CDKAL1: variants seen among roughly 807,000 people sequenced by gnomAD.
The protein encoded by CDKAL1 is CDKAL1 threonylcarbamoyladenosine tRNA methylthiotransferase, also known as threonylcarbamoyladenosine tRNA methylthiotransferase.
In CDKAL1, 32 loss-of-function variants were observed where a neutral mutation model predicts 68.2. The ratio of observed to expected loss-of-function variants is 0.47; its 90% confidence interval spans 0.35 to 0.63. The LOEUF is 0.63. Among genes scored for constraint, CDKAL1 ranks in the 30% least tolerant of loss-of-function variants. The pLI, the probability that CDKAL1 is intolerant of heterozygous loss-of-function variation, is 0.00. For synonymous variants in CDKAL1, 234 were observed against 244.3 expected, an observed-to-expected ratio of 0.96 and a Z score of 0.39; for missense variants, 606 against 696.7, an observed-to-expected ratio of 0.87 and a Z score of 1.47.
intron 10 of CDKAL1, among the ~76,000 whole-genome samples, chr6:20,958,814 G>A (rs936123239): frequency 1.1e-4 from 17 of 152,062 alleles, no homozygotes; most frequent in African/African-American, 3.4e-4. Context: ...TACTTGGCTG[G>A]TTTGTTTTCC....
chr6:20,591,777 T>C lies in CDKAL1; in HGVS notation c.286+43072T>C, dbSNP rs1581779796. Among the ~76,000 whole-genome samples, 4 of 152,292 alleles carry C rather than the reference T, an allele frequency of 2.6e-5. No homozygotes were observed. The South Asian group carries it at 8.3e-4, about 32-fold the overall frequency. ...CCATGCTGTTTTGGTTACCGTAGCCTTGTAGTATTGTTTGAAGTCAGGTAG... is the reference window on the plus strand; with the variant it reads ...CCATGCTGTTTTGGTTACCGTAGCCCTGTAGTATTGTTTGAAGTCAGGTAG... On this transcript the variant is annotated intron_variant, in intron 4 of 15. Transcript: ENST00000274695.
rs142083720 is a variant in CDKAL1, at chr6:20,695,969, T to C, written c.372-43550T>C. Among the ~76,000 whole-genome samples, 150 of 152,352 alleles carry C rather than the reference T, an allele frequency of 9.8e-4. 2 individuals carry two copies. The Middle Eastern group carries it at 0.037, about 38-fold the overall frequency. ...TTCTTCCAATCCCTGGTAACGACGA[T>C]TCTACTTTCTGCCTCTCTGAATTTG... On this transcript the variant is annotated intron_variant, in intron 5 of 15. Coordinates refer to ENST00000274695, the MANE Select transcript of CDKAL1 (RefSeq NM_017774.3).
At chr6:20,715,379 G>A (rs567887868) in intron 5 of CDKAL1, among the ~76,000 whole-genome samples, 15 of 152,226 alleles carry the variant, frequency 9.9e-5, no homozygotes, top group Admixed American at 2.6e-4. Flanking sequence ...CATCCATGAC[G>A]GGATCTTCTC....
intron 13 of CDKAL1, among the ~76,000 whole-genome samples, chr6:21,155,375 A>G (rs1015272690): frequency 4.6e-5 from 7 of 152,196 alleles, no homozygotes; most frequent in Non-Finnish European, 7.3e-5. Flanking sequence ...CTTTTGAAAT[A>G]AAATATTCTG....
At chr6:21,091,825 C>G (rs1378725713) in intron 12 of CDKAL1, among the ~76,000 whole-genome samples, 3 of 145,200 alleles carry the variant, frequency 2.1e-5, no homozygotes, top group Non-Finnish European at 4.5e-5. Flanking sequence ...GAGGCTCATA[C>G]TTGACAAATG....
At chr6:21,013,106 A>G (rs1351365091) in intron 11 of CDKAL1, among the ~76,000 whole-genome samples, 1 of 152,162 alleles carries the variant, frequency 6.6e-6, no homozygotes, top group Non-Finnish European at 1.5e-5. Flanking sequence ...CATCTCTGCC[A>G]AGAAACTCAG....
intron 9 of CDKAL1, among the ~76,000 whole-genome samples, chr6:20,901,474 A>C (rs1581793538): frequency 6.6e-6 from 1 of 151,618 alleles, no homozygotes; most frequent in Non-Finnish European, 1.5e-5. Context: ...GGAGATCAAG[A>C]CCATCCTGGC....
chr6:20,871,368 T>C (rs367685663), intron 9 of CDKAL1, among the ~76,000 whole-genome samples: 1 of 152,216 alleles, frequency 6.6e-6, no homozygotes, highest in Admixed American at 6.5e-5. Flanking sequence ...TTTTATAATT[T>C]CTCATGGGTG....
At chr6:20,798,541 A>G (rs1014254163) in intron 8 of CDKAL1, among the ~76,000 whole-genome samples, 10 of 152,150 alleles carry the variant, frequency 6.6e-5, no homozygotes, top group African/African-American at 2.4e-4. Context: ...AGACTGGTTT[A>G]AGAAAATGTG....
chr6:21,194,375 G>A (rs984662474), intron 13 of CDKAL1, among the ~76,000 whole-genome samples: 3 of 152,160 alleles, frequency 2.0e-5, no homozygotes, highest in Non-Finnish European at 2.9e-5. Flanking sequence ...GTCAGTGACG[G>A]TGAGGCAGCC....
intron 5 of CDKAL1, among the ~76,000 whole-genome samples, chr6:20,733,042 T>C (rs2150315937): frequency 6.6e-6 from 1 of 152,300 alleles, no homozygotes; most frequent in South Asian, 2.1e-4. Flanking sequence ...TGGGGAGGAC[T>C]CTTAGTCTCA....
At chr6:20,746,058 A>C (rs1773653153) in intron 6 of CDKAL1, among the ~76,000 whole-genome samples, 1 of 152,104 alleles carries the variant, frequency 6.6e-6, no homozygotes, top group Non-Finnish European at 1.5e-5. Context: ...TTATTGCTGA[A>C]GGGGTTTTGT....
chr6:20,664,941 A>G, intron 5 of CDKAL1, among the ~76,000 whole-genome samples: 1 of 152,076 alleles, frequency 6.6e-6, no homozygotes, highest in East Asian at 1.9e-4. Flanking sequence ...TGTATTTTCG[A>G]TCCCCTCATT....
chr6:20,981,243 G>C (rs1188130320), intron 10 of CDKAL1, among the ~76,000 whole-genome samples: 1 of 152,110 alleles, frequency 6.6e-6, no homozygotes, highest in Non-Finnish European at 1.5e-5. Flanking sequence ...TATTCCATTT[G>C]TTTTTAGTTT....
chr6:20,913,116 TAC>T (rs70990080), intron 9 of CDKAL1, among the ~76,000 whole-genome samples: 5,899 of 136,446 alleles, frequency 0.043, 155 homozygotes, highest in South Asian at 0.079. Context: ...CACAGTTGTT[TAC>T]ACACACACAC....
rs58042681 is a variant in CDKAL1 at position 21,214,874 on chromosome 6, G to GATGAATGAATGA, written c.1548+13627_1548+13638dup. ...GCAAATGCTCAGTAAACGTCTGTTG[G>GATGAATGAATGA]ATGAATGAATGAATGAATGAATGAA... On this transcript the variant is annotated intron_variant, in intron 15 of 15. Coordinates refer to ENST00000274695, the MANE Select transcript of CDKAL1 (RefSeq NM_017774.3). 6.5e-3 allele frequency among the ~76,000 whole-genome samples: 972 copies of GATGAATGAATGA among 149,778 alleles called. 3 individuals carry two copies. Among genetic ancestry groups the GATGAATGAATGA allele is most frequent in the Middle Eastern group, 6.9e-3 (2 of 290 alleles).
chr6:20,778,458 C>T (rs780928408), intron 7 of CDKAL1, among the ~76,000 whole-genome samples: 4 of 152,070 alleles, frequency 2.6e-5, no homozygotes, highest in Non-Finnish European at 5.9e-5. Context: ...AATTAAAATA[C>T]TGGGAAAATA....
Position 21,010,252 on chromosome 6 carries a change from A to G in CDKAL1, c.1055+9880A>G, listed in dbSNP as rs575976974. ...ATAACATCTTTAATTATAAAACTGC[A>G]GAGTTTCTTAATGAAGTATGTGTAC... On this transcript the variant is annotated intron_variant, in intron 11 of 15. Transcript: ENST00000274695. 3.9e-5 allele frequency among the ~76,000 whole-genome samples: 6 copies of G among 152,358 alleles called. No homozygotes were observed. The East Asian group carries it at 1.2e-3, about 29-fold the overall frequency.
At chr6:20,555,804 A>C (rs1764017204) in intron 4 of CDKAL1, among the ~76,000 whole-genome samples, 2 of 151,370 alleles carry the variant, frequency 1.3e-5, no homozygotes, top group South Asian at 4.2e-4. Context: ...TTGTATTTTT[A>C]GTAGAGACGG....
Sources: gnomAD v4.1 joint callset for allele counts (sites outside exome capture counted in the v4.1 genomes callset) on GRCh38, gnomAD v4.1.1 for gene constraint, MANE v1.5 for transcripts, NCBI Gene and HGNC (gene_info 2026-07-23, HGNC 2026-07-21) for gene names.